The following CFAP299 variants were observed in gnomAD, a reference collection of about 807,000 sequenced individuals.
CFAP299 encodes the protein cilia and flagella associated protein 299.
In CFAP299, 21 loss-of-function variants were observed where a neutral mutation model predicts 27.0. The ratio of observed to expected loss-of-function variants is 0.78; its 90% CI spans 0.55 to 1.12. CFAP299 has a LOEUF of 1.12. CFAP299 is among the 50% of genes most tolerant of loss of function. CFAP299 has a pLI of 0.00. For missense variants in CFAP299, 310 were observed against 276.6 expected, an observed-to-expected ratio of 1.12 and a Z score of -0.86; for synonymous variants, 104 against 98.1, an observed-to-expected ratio of 1.06 and a Z score of -0.36.
At chr4:80,793,730 G>T (rs547323252) in intron 3 of CFAP299, among the ~76,000 whole-genome samples, 1 of 152,204 alleles carries the variant, frequency 6.6e-6, no homozygotes, top group Admixed American at 6.5e-5. Context: ...CACAGGATAT[G>T]GGAAAAGGGA....
At chr4:80,763,640 A>ATTTTG (rs1172706284) in intron 3 of CFAP299, among the ~76,000 whole-genome samples, 25 of 152,214 alleles carry the variant, frequency 1.6e-4, no homozygotes, top group Non-Finnish European at 2.6e-4. Flanking sequence ...AAGAGCTCAT[A>ATTTTG]TAGCCAAGAC....
intron 2 of CFAP299, among the ~76,000 whole-genome samples, chr4:80,380,786 G>A (rs185584423): frequency 8.6e-5 from 13 of 152,044 alleles, no homozygotes; most frequent in South Asian, 2.1e-4. Flanking sequence ...TTCAGTAATC[G>A]TCTACAATCT....
At chr4:80,426,009 A>C (rs2110074123) in intron 2 of CFAP299, among the ~76,000 whole-genome samples, 2 of 152,310 alleles carry the variant, frequency 1.3e-5, no homozygotes, top group South Asian at 4.1e-4. Context: ...AGTACACAAA[A>C]GAAAGGGATC....
intron 2 of CFAP299, among the ~76,000 whole-genome samples, chr4:80,526,017 G>A (rs1191610224): frequency 6.6e-6 from 1 of 152,102 alleles, no homozygotes; most frequent in African/African-American, 2.4e-5. Context: ...TCACAAAATT[G>A]TACTCATATA....
At chr4:80,776,167 A>T (rs1304244491) in intron 3 of CFAP299, among the ~76,000 whole-genome samples, 1 of 152,152 alleles carries the variant, frequency 6.6e-6, no homozygotes, top group Non-Finnish European at 1.5e-5. Flanking sequence ...AAATGCTTGT[A>T]CAGGTGATTA....
intron 2 of CFAP299, chr4:80,387,711 G>T: frequency 1.3e-6 from 2 of 1,581,206 alleles, no homozygotes; most frequent in Non-Finnish European, 1.7e-6. Flanking sequence ...CAATGCATTG[G>T]AAGGGCTTCT....
rs369584846 is a variant in CFAP299, at chr4:80,710,512, G to A, written c.333+127329G>A. On this transcript the variant is annotated intron_variant, in intron 3 of 5. Coordinates refer to ENST00000358105, the MANE Select transcript of CFAP299 (RefSeq NM_152770.3). ...TTTTTTTTTTTTTTAAAAAAAAAAA[G>A]GTAAGTTGGAATATCAAGCATTACA... is the stretch of plus-strand genomic sequence containing the variant. 5.0e-3 allele frequency among the ~76,000 whole-genome samples: 693 copies of A among 139,866 alleles called. 4 individuals are homozygous for A. The highest frequency in any genetic ancestry group is 0.019 in the Middle Eastern group (5 of 266). 91.8% of individuals were successfully genotyped at this position (139,866 alleles called of 152,430 possible). A position where few individuals can be genotyped will look rare whatever the true frequency, so the allele number is the denominator to read the frequency against.
chr4:80,559,842 C>G (rs1322656892), intron 2 of CFAP299, among the ~76,000 whole-genome samples: 1 of 152,170 alleles, frequency 6.6e-6, no homozygotes, highest in South Asian at 2.1e-4. Context: ...CCACACCCCT[C>G]ACTACTGAGG....
At chr4:80,876,144 A>G (rs1733362899) in intron 4 of CFAP299, among the ~76,000 whole-genome samples, 1 of 148,376 alleles carries the variant, frequency 6.7e-6, no homozygotes, top group Non-Finnish European at 1.5e-5. Flanking sequence ...TAAATATTAT[A>G]TATTACATTT....
chr4:80,415,697 A>T (rs1417559512), intron 2 of CFAP299, among the ~76,000 whole-genome samples: 1 of 152,200 alleles, frequency 6.6e-6, no homozygotes, highest in Non-Finnish European at 1.5e-5. Flanking sequence ...AGAAATAGAT[A>T]TTTATGAATT....
At chr4:80,873,638 A>G (rs1733226919) in intron 4 of CFAP299, among the ~76,000 whole-genome samples, 1 of 152,234 alleles carries the variant, frequency 6.6e-6, no homozygotes, top group African/African-American at 2.4e-5. Context: ...CTGATGAGAC[A>G]GGACAAGTTC....
At chr4:80,822,134 G>A (rs1240038932) in intron 3 of CFAP299, among the ~76,000 whole-genome samples, 3 of 152,140 alleles carry the variant, frequency 2.0e-5, no homozygotes, top group Admixed American at 1.3e-4. Context: ...ATACTTTAAT[G>A]CACTGAGCTT....
At chr4:80,538,919 A>G (rs1002393522) in intron 2 of CFAP299, among the ~76,000 whole-genome samples, 5 of 152,240 alleles carry the variant, frequency 3.3e-5, no homozygotes, top group African/African-American at 4.8e-5. Context: ...AACTTGTTTT[A>G]TGAACAGTAA....
At chr4:80,471,836 G>A (rs944698012) in intron 2 of CFAP299, among the ~76,000 whole-genome samples, 37 of 152,136 alleles carry the variant, frequency 2.4e-4, no homozygotes, top group African/African-American at 8.2e-4. Context: ...ATGGGAGAGC[G>A]CTTGCACTCC....
chr4:80,876,115 A>G lies in CFAP299; in HGVS notation c.476+5980A>G, dbSNP rs537308920. Among the ~76,000 whole-genome samples the G allele has an allele frequency of 2.3e-3, 343 of 148,572 alleles. 4 individuals carry two copies. The highest frequency in any genetic ancestry group is 0.013 in the South Asian group (62 of 4,782). On this transcript the variant is annotated intron_variant, in intron 4 of 5. Transcript: ENST00000358105. ...ACTAAAGCACTGTACTAAATAATTT[A>G]TATATTACATATTATATATAAATAT...
chr4:80,569,303 T>G (rs1735464419), intron 2 of CFAP299, among the ~76,000 whole-genome samples: 1 of 152,120 alleles, frequency 6.6e-6, no homozygotes, highest in Non-Finnish European at 1.5e-5. Flanking sequence ...ATAGTTTGGC[T>G]TGGGTGTTCA....
intron 3 of CFAP299, among the ~76,000 whole-genome samples, chr4:80,672,903 T>C (rs1213711901): frequency 1.3e-5 from 2 of 151,624 alleles, no homozygotes; most frequent in African/African-American, 2.4e-5. Context: ...TTTTCTTCTT[T>C]ATTAGTCTTG....
intron 2 of CFAP299, among the ~76,000 whole-genome samples, chr4:80,543,714 G>A (rs749163357): frequency 6.6e-5 from 10 of 152,196 alleles, no homozygotes; most frequent in Admixed American, 3.3e-4. Flanking sequence ...GAATCTTATC[G>A]TTCTGCATTC....
At chr4:80,939,065 A>G (rs777104985) in intron 4 of CFAP299, among the ~76,000 whole-genome samples, 1 of 152,138 alleles carries the variant, frequency 6.6e-6, no homozygotes, top group Non-Finnish European at 1.5e-5. Flanking sequence ...TTCCCTTTGT[A>G]GATGATTAAC....
Sources: gnomAD v4.1 joint callset for allele counts (sites outside exome capture counted in the v4.1 genomes callset) on GRCh38, gnomAD v4.1.1 for gene constraint, MANE v1.5 for transcripts, NCBI Gene and HGNC (gene_info 2026-07-23, HGNC 2026-07-21) for gene names.